The following OLFML2A variants were observed in gnomAD, a reference collection of about 807,000 sequenced individuals.
The protein encoded by OLFML2A is olfactomedin-like protein 2A.
In OLFML2A, 47 loss-of-function variants were observed where a neutral mutation model predicts 60.9. The observed-to-expected ratio is 0.77, with a 90% confidence interval of 0.61 to 0.98. The LOEUF is 0.98. OLFML2A is among the 50% of genes least tolerant of loss of function. OLFML2A has a pLI of 0.00. For synonymous variants in OLFML2A, 372 were observed against 375.0 expected (o/e 0.99, Z 0.09); for missense variants, 922 against 879.8 (o/e 1.05, Z -0.61).
chr9:124,802,304 A>C (rs1841793093), intron 5 of OLFML2A, among the ~76,000 whole-genome samples: 1 of 151,798 alleles, frequency 6.6e-6, no homozygotes, highest in African/African-American at 2.4e-5. Context: ...CCCCACTAAG[A>C]CCCGCCCCAG....
chr9:124,794,521 T>C (rs1478965980), intron 2 of OLFML2A, among the ~76,000 whole-genome samples: 2 of 152,124 alleles, frequency 1.3e-5, no homozygotes, highest in Non-Finnish European at 2.9e-5. Context: ...CCTGTGGTTT[T>C]TCTTGTGATT....
chr9:124,813,043 C>G lies in OLFML2A; in HGVS notation c.*2631C>G, dbSNP rs1007753397. ...TTCAGCTCACTGCAATCTCCGCCTC[C>G]CGGGTTCAAGTGATTCTCCTGCCTT... is the stretch of plus-strand genomic sequence containing the variant. On this transcript the variant is annotated 3_prime_UTR_variant, in exon 8 of 8. Transcript: ENST00000373580. The G allele has an allele frequency of 6.6e-6, 1 of 152,166 alleles. No individual in the cohort carries two copies. Among genetic ancestry groups the G allele is most frequent in the African/African-American group, 2.4e-5 (1 of 41,418 alleles). The allele number at this position is 152,166 out of a possible 1,614,324, so 9.4% of individuals were successfully genotyped here.
In OLFML2A at chr9:124,779,631, C is replaced by T. The variant is rs796740357; in HGVS notation, c.90+2271C>T. Among the ~76,000 whole-genome samples the T allele has an allele frequency of 2.6e-5, 4 of 152,020 alleles. No individual in the cohort carries two copies. The South Asian group carries it at 8.3e-4, about 32-fold the overall frequency. On this transcript the variant is annotated intron_variant, in intron 1 of 7. Coordinates refer to ENST00000373580, the MANE Select transcript of OLFML2A (RefSeq NM_182487.4). This position sits in a 1 kb window ranked among gnomAD's most constrained non-coding sequence, Gnocchi z 4.1. ...AACCTAGAGCTTGCAGGATGAACAG[C>T]TGGGGGACTCAGCACAGCCCTCCCC...
Position 124,777,339 on chromosome 9 carries a change from C to T in OLFML2A, c.69C>T (p.Arg23=). The T allele has an allele frequency of 1.5e-6, 2 of 1,290,690 alleles. No homozygotes were observed. The highest frequency in any genetic ancestry group is 2.0e-6 in the Non-Finnish European group (2 of 1,014,218). 80.0% of individuals were successfully genotyped at this position (1,290,690 alleles called of 1,614,324 possible). ...LLPLVLLLSG[R]PTRADSKVFG... ...CGCTAGTGCTGCTGCTGAGCGGCCG[C>T]CCCACGCGCGCCGACAGTAAGGTAC... Residue 23 remains arginine, a synonymous_variant, in exon 1 of 8, where the codon CGC becomes CGT. Transcript: ENST00000373580. This position sits in a 1 kb window ranked among gnomAD's most constrained non-coding sequence, Gnocchi z 6.2.
intron 2 of OLFML2A, 23 bp from the exon 3 acceptor site, chr9:124,795,001 A>C (rs756385611): frequency 4.1e-6 from 6 of 1,469,274 alleles, no homozygotes; most frequent in Non-Finnish European, 5.6e-6. Context: ...CTCTTTGCCT[A>C]ACCATCCCCC....
intron 4 of OLFML2A, among the ~76,000 whole-genome samples, chr9:124,800,553 C>T (rs1366600508): frequency 6.6e-6 from 1 of 152,232 alleles, no homozygotes; most frequent in Non-Finnish European, 1.5e-5. Flanking sequence ...CTCCACATCT[C>T]GGTCTCCTTT....
At chr9:124,801,048 A>C in intron 4 of OLFML2A, 1 of 1,551,522 alleles carries the variant, frequency 6.4e-7, no homozygotes, top group Non-Finnish European at 8.7e-7. Flanking sequence ...ACTAAGACCA[A>C]TGAGTAAGAG....
At chr9:124,785,081 G>C (rs1428175582) in intron 1 of OLFML2A, among the ~76,000 whole-genome samples, 1 of 147,412 alleles carries the variant, frequency 6.8e-6, no homozygotes, top group South Asian at 2.2e-4. Context: ...AGCCTCCCTA[G>C]TAGCTGGGGC....
Position 124,809,799 on chromosome 9 carries a change from C to T in OLFML2A, c.1355-9C>T, listed in dbSNP as rs372504042. On this transcript the variant is annotated splice_polypyrimidine_tract_variant and intron_variant, in intron 7 of 7. Coordinates refer to ENST00000373580, the MANE Select transcript of OLFML2A (RefSeq NM_182487.4). ...GGAGGTCTGGGGTGACCATCGCCCTCGCCTGCAGGCCGCTGGAGTAACATG... is the reference window on the plus strand; with the variant it reads ...GGAGGTCTGGGGTGACCATCGCCCTTGCCTGCAGGCCGCTGGAGTAACATG... 53 of 1,586,080 alleles carry T rather than the reference C, an allele frequency of 3.3e-5. No individual in the cohort carries two copies. The highest frequency in any genetic ancestry group is 4.6e-5 in the Non-Finnish European group (53 of 1,163,708).
At chr9:124,808,554 G>C (rs1841946470) in intron 7 of OLFML2A, among the ~76,000 whole-genome samples, 1 of 152,146 alleles carries the variant, frequency 6.6e-6, no homozygotes, top group Admixed American at 6.5e-5. Context: ...GGCTTAAAGA[G>C]ACGATTTCAG....
intron 4 of OLFML2A, chr9:124,800,923 T>G: frequency 6.5e-7 from 1 of 1,539,034 alleles, no homozygotes; most frequent in Non-Finnish European, 8.8e-7. Context: ...GCCTGGGACT[T>G]GAGGGTTTTT....
rs980296301 is a variant in OLFML2A at position 124,777,290 on chromosome 9, C to A, written c.20C>A (p.Pro7Gln). Residue 7 changes from proline to glutamine, a missense_variant, in exon 1 of 8, where the codon CCG becomes CAG. Transcript: ENST00000373580. The surrounding 1 kb of genome is among the most constrained non-coding windows in gnomAD (Gnocchi z 6.2). ...GGCGCCATGGCCGCTGCCGCCCTCC[C>A]GCCCCGGCCGCTGCTCCTTCTGCCG... Reference protein sequence around the residue: MAAAALPPRPLLLLPLV... With the variant: MAAAALQPRPLLLLPLV... 1.1e-4 allele frequency: 139 copies of A among 1,258,392 alleles called. No homozygotes were observed. The highest frequency in any genetic ancestry group is 1.3e-4 in the Non-Finnish European group (134 of 994,414). 78.0% of individuals were successfully genotyped at this position (1,258,392 alleles called of 1,614,324 possible). A position where few individuals can be genotyped will look rare whatever the true frequency, so the allele number is the denominator to read the frequency against.
chr9:124,787,112 G>A lies in OLFML2A; in HGVS notation c.228G>A (p.Thr76=), dbSNP rs61739561. Residue 76 remains threonine (T), a synonymous_variant, in exon 2 of 8, where the codon ACG becomes ACA. Coordinates refer to ENST00000373580, the MANE Select transcript of OLFML2A (RefSeq NM_182487.4). ...SGRARVEDFY[T]VETVSSGTDC... is the part of the protein sequence containing the mutation. ...GGGCACGCGTGGAGGACTTCTACAC[G>A]GTGGAGACTGTGAGCTCGGGCACTG... 5.4e-4 allele frequency: 866 copies of A among 1,614,200 alleles called. 2 individuals are homozygous for A. In the African/African-American group the frequency reaches 0.01, roughly 19 times the overall value.
At chr9:124,809,234 G>A (rs754497295) in intron 7 of OLFML2A, among the ~76,000 whole-genome samples, 4 of 152,102 alleles carry the variant, frequency 2.6e-5, no homozygotes, top group Non-Finnish European at 4.4e-5. Flanking sequence ...AAAATTGGCC[G>A]GCTTTCTGCT....
chr9:124,780,120 C>T (rs555727162), intron 1 of OLFML2A, among the ~76,000 whole-genome samples: 33 of 152,278 alleles, frequency 2.2e-4, no homozygotes, highest in South Asian at 6.2e-4. Context: ...AGTGCTTTGT[C>T]GGGGCTGGGA....
At chr9:124,778,348 G>A (rs867513023) in intron 1 of OLFML2A, among the ~76,000 whole-genome samples, 1 of 148,516 alleles carries the variant, frequency 6.7e-6, no homozygotes, top group Non-Finnish European at 1.5e-5. Context: ...GCGACAGAGC[G>A]AGACTCCGTG....
At chr9:124,787,566 T>TATTTTATTTTATTTA (rs1554755903) in intron 2 of OLFML2A, among the ~76,000 whole-genome samples, 15 of 150,116 alleles carry the variant, frequency 1.0e-4, no homozygotes, top group African/African-American at 3.7e-4. Flanking sequence ...TATTTTATTT[T>TATTTTATTTTATTTA]ATTTATTTCT....
intron 2 of OLFML2A, 123 bp downstream of exon 2, chr9:124,787,361 A>G: frequency 1.1e-6 from 1 of 910,684 alleles, no homozygotes; most frequent in Non-Finnish European, 1.7e-6. Context: ...TTCACAGATG[A>G]GGAAACTGAG....
At chr9:124,792,926 TC>T (rs11344811) in intron 2 of OLFML2A, among the ~76,000 whole-genome samples, 73,371 of 151,922 alleles carry the variant, frequency 0.48, 17,878 homozygotes, top group Admixed American at 0.59. Context: ...ATGCAGACCC[TC>T]GGGGCCAAAG....
Sources: allele counts gnomAD v4.1 joint callset (sites outside exome capture counted in the v4.1 genomes callset), GRCh38; gene constraint gnomAD v4.1.1; non-coding constraint Gnocchi (gnomAD v3.1); transcripts MANE v1.5; gene names NCBI Gene and HGNC (gene_info 2026-07-23, HGNC 2026-07-21).